WDR35: variants seen among roughly 807,000 people sequenced by gnomAD.
WDR35 encodes WD repeat domain 35, also known as WD repeat-containing protein 35.
WDR35 carries 118 observed loss-of-function variants against 158.3 expected under a neutral mutation model. That is an observed-to-expected ratio of 0.75 (90% confidence interval 0.64 to 0.87). The LOEUF is 0.87. WDR35 is among the 40% of genes least tolerant of loss of function. The pLI is 0.00. For synonymous variants in WDR35, 448 were observed against 476.1 expected, an observed-to-expected ratio of 0.94 and a Z score of 0.77; for missense variants, 1,263 against 1,405.8, an observed-to-expected ratio of 0.90 and a Z score of 1.62.
chr2:19,969,726 A>C, intron 8 of WDR35, 121 bp from the exon 9 acceptor site: 1 of 1,058,812 alleles, frequency 9.4e-7, no homozygotes, highest in Non-Finnish European at 1.3e-6. Flanking sequence ...GTTACTAGTC[A>C]CTTTAAAATC....
intron 4 of WDR35, among the ~76,000 whole-genome samples, chr2:19,979,277 C>A (rs192631829): frequency 2.0e-4 from 30 of 152,112 alleles, no homozygotes; most frequent in Non-Finnish European, 3.8e-4. Context: ...AAAAAAACTC[C>A]AAGTAACAAT....
intron 25 of WDR35, among the ~76,000 whole-genome samples, chr2:19,928,830 G>A (rs1187082944): frequency 1.0e-4 from 15 of 149,132 alleles, no homozygotes; most frequent in East Asian, 3.9e-4. Flanking sequence ...TTTTTGAGAC[G>A]GAGTCTCGCT....
intron 3 of WDR35, among the ~76,000 whole-genome samples, chr2:19,981,005 C>G (rs148745913): frequency 6.6e-6 from 1 of 152,056 alleles, no homozygotes; most frequent in African/African-American, 2.4e-5. Flanking sequence ...CTATTTCATC[C>G]CAGTAAAGAC....
chr2:19,984,669 G>C (rs991118451), intron 2 of WDR35, among the ~76,000 whole-genome samples: 3 of 152,114 alleles, frequency 2.0e-5, no homozygotes, highest in Non-Finnish European at 2.9e-5. Context: ...GAAAACAAAA[G>C]GTATGACATA....
In WDR35 at chr2:19,938,285, GTCC is replaced by G; in HGVS notation, c.2040_2042del (p.Glu680del). 6.2e-7 allele frequency: 1 copy of G among 1,614,026 alleles called. No individual in the cohort carries two copies. Among genetic ancestry groups the G allele is most frequent in the South Asian group, 1.1e-5 (1 of 91,082 alleles). On this transcript the variant is annotated inframe_deletion, in exon 18 of 27. Coordinates refer to ENST00000281405, the MANE Select transcript of WDR35 (RefSeq NM_020779.4). The stretch of plus-strand genomic sequence containing the variant: ...AATACCAAAGTCGGGGGTGTGGATT[GTCC>G]TCTATGAACTGAGATGCATCTTTAA...
In WDR35 at chr2:19,944,590, C is replaced by T. The variant is rs183531487; in HGVS notation, c.1845+1196G>A. Among the ~76,000 whole-genome samples, 48 of 152,256 alleles carry T rather than the reference C, an allele frequency of 3.2e-4. No homozygotes were observed. The East Asian group carries it at 6.7e-3, about 21-fold the overall frequency. On this transcript the variant is annotated intron_variant, in intron 16 of 26. Transcript: ENST00000281405. ...TTGTTTTGTGGCAAGGATTAAATTT[C>T]CCTTGGACCCTTGAAAGAAGCCCAT...
At position 19,941,846 on chromosome 2, in the gene WDR35, A is replaced by G. The variant is rs1479233566; in HGVS notation, c.1846-7T>C. 1.9e-6 allele frequency: 3 copies of G among 1,554,982 alleles called. No homozygotes were observed. Among genetic ancestry groups the G allele is most frequent in the Non-Finnish European group, 1.8e-6 (2 of 1,139,712 alleles). ...CAGAGGTCTGAATGGGTTCCTTTAA[A>G]GACAAAAAAAAAGTTATGTTTCATT... is the stretch of plus-strand genomic sequence containing the variant. On this transcript the variant is annotated splice_polypyrimidine_tract_variant and splice_region_variant and intron_variant, in intron 16 of 26. Transcript: ENST00000281405.
At chr2:19,941,953 C>A in intron 16 of WDR35, 114 bp from the exon 17 acceptor site, 3 of 724,526 alleles carry the variant, frequency 4.1e-6, no homozygotes, top group Admixed American at 2.4e-5. Context: ...GAGAGAATGT[C>A]ATTAACACCC....
At chr2:19,967,556 A>G (rs550463461) in intron 9 of WDR35, among the ~76,000 whole-genome samples, 26 of 152,124 alleles carry the variant, frequency 1.7e-4, no homozygotes, top group Admixed American at 6.5e-4. Context: ...ACATGTTTAT[A>G]TTTAATTTTG....
At chr2:19,943,929 C>T (rs374248804) in intron 16 of WDR35, among the ~76,000 whole-genome samples, 94 of 152,038 alleles carry the variant, frequency 6.2e-4, no homozygotes, top group African/African-American at 2.2e-3. Flanking sequence ...GAATTCTTAA[C>T]AACACTCAAA....
chr2:19,982,572 T>A (rs1672418953), intron 2 of WDR35, 38 bp from the exon 3 acceptor site: 1 of 1,596,352 alleles, frequency 6.3e-7, no homozygotes, highest in Non-Finnish European at 8.6e-7. Context: ...GATAAATATG[T>A]AAAAGTGACA....
intron 16 of WDR35, among the ~76,000 whole-genome samples, chr2:19,944,387 T>C (rs547445065): frequency 1.6e-4 from 25 of 152,308 alleles, no homozygotes; most frequent in African/African-American, 5.5e-4. Context: ...AGACTGACCA[T>C]GTGTGCTATA....
intron 8 of WDR35, among the ~76,000 whole-genome samples, chr2:19,971,230 T>A (rs1389820087): frequency 9.2e-5 from 14 of 152,178 alleles, no homozygotes; most frequent in Non-Finnish European, 2.1e-4. Context: ...GCAGATACCC[T>A]CTAGGGTCAA....
At chr2:19,936,164 A>G in intron 20 of WDR35, 55 bp downstream of exon 20, 1 of 1,611,822 alleles carries the variant, frequency 6.2e-7, no homozygotes, top group Admixed American at 1.7e-5. Flanking sequence ...AGAAGTACTC[A>G]GGCAGCTACT....
chr2:19,938,630 G>C (rs1455260324), intron 17 of WDR35, among the ~76,000 whole-genome samples: 2 of 152,078 alleles, frequency 1.3e-5, no homozygotes, highest in Non-Finnish European at 2.9e-5. Flanking sequence ...TGAGGAAAAG[G>C]GGACAGAGGA....
chr2:19,941,247 CA>C (rs1460468124), intron 17 of WDR35, among the ~76,000 whole-genome samples: 1 of 151,900 alleles, frequency 6.6e-6, no homozygotes, highest in Non-Finnish European at 1.5e-5. Context: ...GGTTCAAAAT[CA>C]TGTCTTGAAT....
intron 25 of WDR35, among the ~76,000 whole-genome samples, chr2:19,922,797 G>T (rs534461782): frequency 3.3e-5 from 5 of 152,176 alleles, no homozygotes; most frequent in African/African-American, 1.2e-4. Context: ...CCCAAAACTG[G>T]CCATAAACAA....
At chr2:19,953,999 A>AT (rs761217154) in intron 11 of WDR35, 21 bp from the exon 12 acceptor site, 1 of 1,613,850 alleles carries the variant, frequency 6.2e-7, no homozygotes, top group Non-Finnish European at 8.5e-7. Flanking sequence ...TAACATTAAG[A>AT]TAATTTACAG....
At chr2:19,946,066 C>G (rs918108579) in intron 15 of WDR35, 70 bp from the exon 16 acceptor site, 3 of 1,448,838 alleles carry the variant, frequency 2.1e-6, no homozygotes, top group Non-Finnish European at 2.9e-6. Context: ...AGAATAATTA[C>G]CTATAGCCAT....
Sources: allele counts gnomAD v4.1 joint callset (sites outside exome capture counted in the v4.1 genomes callset), GRCh38; gene constraint gnomAD v4.1.1; transcripts MANE v1.5; gene names NCBI Gene and HGNC (gene_info 2026-07-23, HGNC 2026-07-21).